The following ABI3BP variants were observed in gnomAD, a reference collection of about 807,000 sequenced individuals.
The protein encoded by ABI3BP is target of Nesh-SH3.
Under a neutral mutation model 268.6 loss-of-function variants are expected in ABI3BP, and 216 were observed. That is an observed-to-expected ratio of 0.80 (90% CI 0.72 to 0.90). The LOEUF (loss-of-function observed/expected upper bound fraction) is 0.90. Among genes scored for constraint, ABI3BP ranks in the 40% least tolerant of loss-of-function variants. The pLI is 0.00. For missense variants in ABI3BP, 2,090 were observed against 2,182.4 expected, an observed-to-expected ratio of 0.96 and a Z score of 0.84; for synonymous variants, 730 against 730.0, an observed-to-expected ratio of 1.00 and a Z score of 0.00.
chr3:100,954,319 G>T (rs2076107652), intron 1 of ABI3BP, among the ~76,000 whole-genome samples: 1 of 151,994 alleles, frequency 6.6e-6, no homozygotes, highest in Admixed American at 6.6e-5. Flanking sequence ...TTTTCTTTTG[G>T]TAAAATTATA....
At chr3:100,986,601 G>A (rs1443483118) in intron 1 of ABI3BP, among the ~76,000 whole-genome samples, 1 of 151,944 alleles carries the variant, frequency 6.6e-6, no homozygotes, top group Non-Finnish European at 1.5e-5. Context: ...TGAGTAGCTG[G>A]GATTACAGGT....
chr3:100,962,210 A>T (rs924794557), intron 1 of ABI3BP, among the ~76,000 whole-genome samples: 1 of 152,158 alleles, frequency 6.6e-6, no homozygotes, highest in Non-Finnish European at 1.5e-5. Flanking sequence ...AATTGAAGTC[A>T]CTGGACAGAA....
intron 63 of ABI3BP, among the ~76,000 whole-genome samples, chr3:100,762,432 C>T (rs949747189): frequency 1.3e-5 from 2 of 152,108 alleles, no homozygotes; most frequent in South Asian, 2.1e-4. Flanking sequence ...TGGCTTACCC[C>T]TTCCATCCTA....
chr3:100,756,775 G>GTT (rs2095641028), intron 63 of ABI3BP, among the ~76,000 whole-genome samples: 1 of 72,592 alleles, frequency 1.4e-5, no homozygotes, highest in Non-Finnish European at 3.1e-5. Flanking sequence ...CTACTTTTTG[G>GTT]GTTTTTTTTT....
intron 1 of ABI3BP, among the ~76,000 whole-genome samples, chr3:100,953,121 C>T (rs1289097484): frequency 6.6e-6 from 1 of 152,140 alleles, no homozygotes; most frequent in Non-Finnish European, 1.5e-5. Context: ...CATTTCTGGG[C>T]TTCAAACACT....
chr3:100,766,745 A>G (rs966326240), intron 62 of ABI3BP, among the ~76,000 whole-genome samples: 4 of 152,162 alleles, frequency 2.6e-5, no homozygotes, highest in African/African-American at 9.7e-5. Context: ...ACTTAGCTTA[A>G]TGCATGTGAT....
chr3:100,752,728 A>G (rs1019067194), intron 66 of ABI3BP, 59 bp downstream of exon 66: 177 of 1,572,742 alleles, frequency 1.1e-4, no homozygotes, highest in Non-Finnish European at 1.5e-4. Context: ...AAGTTGTACA[A>G]TGCTGCAAAA....
rs868611443 is a variant in ABI3BP, at chr3:100,885,046, C to T, written c.696+490G>A. Among the ~76,000 whole-genome samples the T allele has an allele frequency of 7.9e-5, 12 of 152,080 alleles. No homozygotes were observed. The South Asian group carries it at 1.7e-3, about 21-fold the overall frequency. On this transcript the variant is annotated intron_variant, in intron 6 of 67. Coordinates refer to ENST00000471714, the MANE Select transcript of ABI3BP (RefSeq NM_001375547.2). ...ATGTTTTTAGATTCATGGGGAAATG[C>T]CTGGTTCATAAAACGCAAACATTGT...
chr3:100,794,322 G>A (rs940824030), intron 54 of ABI3BP, among the ~76,000 whole-genome samples: 12 of 151,824 alleles, frequency 7.9e-5, no homozygotes, highest in Admixed American at 2.0e-4. Context: ...AACCCTCTAC[G>A]CCTCAATTTT....
At chr3:100,882,574 A>T (rs1186202320) in intron 6 of ABI3BP, among the ~76,000 whole-genome samples, 6 of 151,946 alleles carry the variant, frequency 3.9e-5, no homozygotes, top group African/African-American at 1.5e-4. Flanking sequence ...AACTCATCAG[A>T]GCTGGCTGGA....
At chr3:100,889,940 A>C (rs2043757719) in intron 4 of ABI3BP, among the ~76,000 whole-genome samples, 1 of 152,064 alleles carries the variant, frequency 6.6e-6, no homozygotes, top group Non-Finnish European at 1.5e-5. Context: ...TCAGAGAGGG[A>C]CTGGACTCCA....
At chr3:100,948,288 A>G (rs537331988) in intron 1 of ABI3BP, among the ~76,000 whole-genome samples, 2 of 152,208 alleles carry the variant, frequency 1.3e-5, no homozygotes, top group African/African-American at 2.4e-5. Flanking sequence ...TCCACATGAT[A>G]GAAAAGTTGC....
At chr3:100,896,195 A>G (rs1457690721) in intron 4 of ABI3BP, among the ~76,000 whole-genome samples, 1 of 152,106 alleles carries the variant, frequency 6.6e-6, no homozygotes, top group Non-Finnish European at 1.5e-5. Flanking sequence ...CATCTATTTG[A>G]TAAGAGTAGA....
In ABI3BP at chr3:100,775,282, G is replaced by T; in HGVS notation, c.4387C>A (p.Pro1463Thr). Residue 1463 changes from proline to threonine, a missense_variant, in exon 60 of 68, where the codon CCT becomes ACT. Coordinates refer to ENST00000471714, the MANE Select transcript of ABI3BP (RefSeq NM_001375547.2). ...TTPPLRSTPRPTGTPLERIET... is the reference protein window; with the variant it reads ...TTPPLRSTPRTTGTPLERIET... ...ATTCTCTCCAAGGGAGTTCCAGTAG[G>T]CCTGGGTGTTGACCTCAGGGGTGGT... The T allele has an allele frequency of 1.2e-6, 2 of 1,610,002 alleles. No homozygotes were observed. Among genetic ancestry groups the T allele is most frequent in the Admixed American group, 1.7e-5 (1 of 59,538 alleles).
intron 44 of ABI3BP, 42 bp from the exon 45 acceptor site, chr3:100,813,777 A>AT (rs1170602479): frequency 2.7e-6 from 4 of 1,469,352 alleles, no homozygotes; most frequent in Non-Finnish European, 3.7e-6. Context: ...ATTTTCAGTT[A>AT]TTTATTTCAT....
chr3:100,864,936 A>C (rs1163216354), intron 10 of ABI3BP, 29 bp from the exon 11 acceptor site: 16 of 1,557,854 alleles, frequency 1.0e-5, no homozygotes, highest in African/African-American at 1.4e-5. Context: ...AACTTTACAA[A>C]TTAAGATAAA....
At chr3:100,765,973 G>A (rs758647768) in intron 62 of ABI3BP, 24 bp from the exon 63 acceptor site, 15 of 1,538,728 alleles carry the variant, frequency 9.7e-6, no homozygotes, top group Admixed American at 1.8e-5. Flanking sequence ...GAAGCCAACA[G>A]ATACTTGTTT....
Position 100,832,283 on chromosome 3 carries a change from T to G in ABI3BP, c.2382A>C (p.Glu794Asp), listed in dbSNP as rs576199700. 512 of 1,535,580 alleles carry G rather than the reference T, an allele frequency of 3.3e-4. No homozygotes were observed. Among genetic ancestry groups the G allele is most frequent in the Non-Finnish European group, 4.1e-4 (473 of 1,146,514 alleles). ...ATTTACCCAGTTTAGTTTGAGGTAC[T>G]TCTGGATGGGGCGTGGTTTTAGGTT... ...HPKPKTTPHP[E>D]VPQTKLVPAT... Residue 794 changes from glutamate (E) to aspartate (D), a missense_variant, in exon 31 of 68, where the codon GAA becomes GAC. By Grantham distance (45) the Glu-to-Asp change is conservative. Coordinates refer to ENST00000471714, the MANE Select transcript of ABI3BP (RefSeq NM_001375547.2).
intron 24 of ABI3BP, among the ~76,000 whole-genome samples, 183 bp downstream of exon 24, chr3:100,839,386 A>G (rs1223667119): frequency 1.3e-5 from 2 of 152,190 alleles, no homozygotes; most frequent in Non-Finnish European, 2.9e-5. Context: ...CTAAATGAGC[A>G]CACTGGATTG....
Sources: allele counts gnomAD v4.1 joint callset (sites outside exome capture counted in the v4.1 genomes callset), GRCh38; gene constraint gnomAD v4.1.1; transcripts MANE v1.5; gene names NCBI Gene and HGNC (gene_info 2026-07-23, HGNC 2026-07-21).